CTTNBP2: variants seen among roughly 807,000 people sequenced by gnomAD.
CTTNBP2 encodes the protein cortactin-binding protein 2.
CTTNBP2 carries 108 observed loss-of-function variants against 156.9 expected under a neutral mutation model. The ratio of observed to expected loss-of-function variants is 0.69; its 90% CI spans 0.59 to 0.81. The LOEUF (loss-of-function observed/expected upper bound fraction) is 0.81. Ranked by LOEUF, CTTNBP2 falls within the 30% of genes least tolerant of loss-of-function variation. The pLI, the probability that CTTNBP2 is intolerant of heterozygous loss-of-function variation, is 0.00. For synonymous variants in CTTNBP2, 767 were observed against 751.8 expected, an observed-to-expected ratio of 1.02 and a Z score of -0.33; for missense variants, 1,924 against 2,035.4, an observed-to-expected ratio of 0.95 and a Z score of 1.05.
chr7:117,850,195 T>C (rs1362111909), intron 2 of CTTNBP2, among the ~76,000 whole-genome samples: 2 of 152,198 alleles, frequency 1.3e-5, no homozygotes, highest in South Asian at 4.1e-4. Context: ...GCTTGATTAG[T>C]AGAATATACA....
intron 2 of CTTNBP2, among the ~76,000 whole-genome samples, chr7:117,816,036 A>G (rs994075276): frequency 5.9e-5 from 9 of 152,258 alleles, no homozygotes; most frequent in African/African-American, 2.2e-4. Context: ...ATCCTTGAAG[A>G]AAGAGCTCAG....
In CTTNBP2 at chr7:117,784,318, C is replaced by T. The variant is rs201886456; in HGVS notation, c.2205G>A (p.Leu735=). 1 of 1,613,958 alleles carries T rather than the reference C, an allele frequency of 6.2e-7. No homozygotes were observed. The highest frequency in any genetic ancestry group is 1.3e-5 in the African/African-American group (1 of 75,054). ...LLSMLLNEEG[L]DINYSCEDGH... ...CATCTTCACAGGAGTAATTAATGTCCAGTCCTTCTTCATTAAGCAGCATTG... is the reference window on the plus strand; with the variant it reads ...CATCTTCACAGGAGTAATTAATGTCTAGTCCTTCTTCATTAAGCAGCATTG... Residue 735 remains leucine (L), a synonymous_variant, in exon 5 of 23, where the codon CTG becomes CTA. Transcript: ENST00000160373.
At chr7:117,740,336 C>T (rs1312157129) in intron 14 of CTTNBP2, among the ~76,000 whole-genome samples, 1 of 151,850 alleles carries the variant, frequency 6.6e-6, no homozygotes, top group Non-Finnish European at 1.5e-5. Context: ...TTTTTGCTCA[C>T]ACCCTCTTTA....
At chr7:117,833,175 G>A (rs1241133217) in intron 2 of CTTNBP2, among the ~76,000 whole-genome samples, 1 of 152,096 alleles carries the variant, frequency 6.6e-6, no homozygotes, top group Admixed American at 6.5e-5. Flanking sequence ...CCAGGAATCT[G>A]CTGAAATTAT....
chr7:117,824,151 G>T (rs1584495259), intron 2 of CTTNBP2, among the ~76,000 whole-genome samples: 1 of 147,412 alleles, frequency 6.8e-6, no homozygotes, highest in Admixed American at 6.9e-5. Flanking sequence ...AGGTCAGGTA[G>T]ATTTTTCTCC....
At chr7:117,746,686 GATA>G (rs1250959291) in intron 12 of CTTNBP2, among the ~76,000 whole-genome samples, 7 of 152,102 alleles carry the variant, frequency 4.6e-5, no homozygotes, top group Non-Finnish European at 8.8e-5. Flanking sequence ...TTGTATATCA[GATA>G]ATGTCTTTGT....
At chr7:117,743,800 C>T (rs961068081) in intron 14 of CTTNBP2, among the ~76,000 whole-genome samples, 37 of 144,384 alleles carry the variant, frequency 2.6e-4, no homozygotes, top group Non-Finnish European at 4.5e-5. Context: ...AAGAATAGGG[C>T]CACCAGTGTA....
intron 2 of CTTNBP2, among the ~76,000 whole-genome samples, chr7:117,852,917 G>C (rs1803025899): frequency 6.6e-6 from 1 of 152,118 alleles, no homozygotes; most frequent in Non-Finnish European, 1.5e-5. Flanking sequence ...GACATGGTGA[G>C]GGCTAAGGTT....
chr7:117,741,377 T>C (rs1418844268), intron 14 of CTTNBP2, among the ~76,000 whole-genome samples: 1 of 152,208 alleles, frequency 6.6e-6, no homozygotes, highest in Non-Finnish European at 1.5e-5. Context: ...CATAGTTTTC[T>C]TATTAAAAAG....
intron 14 of CTTNBP2, 42 bp from the exon 15 acceptor site, chr7:117,735,463 A>C: frequency 6.4e-7 from 1 of 1,552,144 alleles, no homozygotes; most frequent in Non-Finnish European, 8.7e-7. Flanking sequence ...GCTTTTGACA[A>C]AAATTTATAC....
At chr7:117,855,520 C>G (rs1370672814) in intron 2 of CTTNBP2, among the ~76,000 whole-genome samples, 1 of 152,140 alleles carries the variant, frequency 6.6e-6, no homozygotes, top group Non-Finnish European at 1.5e-5. Flanking sequence ...GAGAGACCTT[C>G]TTGTTGTCAC....
chr7:117,728,156 C>T lies in CTTNBP2; in HGVS notation c.3988G>A (p.Ala1330Thr). The T allele has an allele frequency of 2.5e-6, 4 of 1,614,158 alleles. No individual in the cohort carries two copies. The highest frequency in any genetic ancestry group is 2.5e-6 in the Non-Finnish European group (3 of 1,180,016). ...SCLARLGTPE[A>T]LLGPKYFLSC... ...AGGAAATATTTTGGTCCAAGAAGTG[C>T]TTCAGGTGTGCCCAAGCGGGCCAGG... The change falls in exon 17 of 23, where the codon GCA (alanine) becomes ACA (threonine). Residue 1330 changes from alanine to threonine, a missense_variant. By Grantham distance (58) the Ala-to-Thr change is moderately conservative. Transcript: ENST00000160373.
chr7:117,839,885 T>C (rs896497003), intron 2 of CTTNBP2, among the ~76,000 whole-genome samples: 7 of 152,132 alleles, frequency 4.6e-5, no homozygotes, highest in African/African-American at 1.7e-4. Flanking sequence ...TGACTATAAC[T>C]CTCCCTACTA....
At chr7:117,844,102 A>G (rs554191899) in intron 2 of CTTNBP2, among the ~76,000 whole-genome samples, 9 of 152,212 alleles carry the variant, frequency 5.9e-5, no homozygotes, top group African/African-American at 1.9e-4. Context: ...AAGATACTAC[A>G]ACATGCTACC....
Position 117,760,463 on chromosome 7 carries a change from A to AC in CTTNBP2, c.3143dup (p.Ser1048ArgfsTer33). On this transcript the variant is annotated frameshift_variant, in exon 10 of 23. Coordinates refer to ENST00000160373, the MANE Select transcript of CTTNBP2 (RefSeq NM_033427.3). LOFTEE classifies it high-confidence loss of function. ...GCGTGATGGATCGTATGCTTCTTGCACTGAGGCCGATGTTGGAATCAGTGG... is the reference window on the plus strand; with the variant it reads ...GCGTGATGGATCGTATGCTTCTTGCACCTGAGGCCGATGTTGGAATCAGTGG... The AC allele has an allele frequency of 6.2e-7, 1 of 1,614,096 alleles. No homozygotes were observed. Among genetic ancestry groups the AC allele is most frequent in the Non-Finnish European group, 8.5e-7 (1 of 1,179,962 alleles).
At chr7:117,815,017 C>T (rs901321804) in intron 2 of CTTNBP2, among the ~76,000 whole-genome samples, 60 of 152,166 alleles carry the variant, frequency 3.9e-4, no homozygotes, top group Admixed American at 3.5e-3. Flanking sequence ...TCAAAGACCA[C>T]GTGTTCTTCA....
intron 2 of CTTNBP2, among the ~76,000 whole-genome samples, chr7:117,812,920 C>T (rs930327628): frequency 2.0e-5 from 3 of 152,174 alleles, no homozygotes; most frequent in African/African-American, 7.2e-5. Context: ...GGTACGGCAG[C>T]TTCCTTCATC....
intron 2 of CTTNBP2, among the ~76,000 whole-genome samples, chr7:117,820,347 T>C (rs145868678): frequency 1.2e-4 from 18 of 152,242 alleles, no homozygotes; most frequent in Non-Finnish European, 2.2e-4. Context: ...ACTGAAATAT[T>C]ACCATTAGTT....
intron 1 of CTTNBP2, among the ~76,000 whole-genome samples, chr7:117,868,133 C>T (rs1237139426): frequency 6.6e-6 from 1 of 152,132 alleles, no homozygotes; most frequent in African/African-American, 2.4e-5. Context: ...CTCAGTTTTT[C>T]GATGTGACAT....
Sources: gnomAD v4.1 joint callset for allele counts (sites outside exome capture counted in the v4.1 genomes callset) on GRCh38, gnomAD v4.1.1 for gene constraint, MANE v1.5 for transcripts, NCBI Gene and HGNC (gene_info 2026-07-23, HGNC 2026-07-21) for gene names.